IFT122: variants seen among roughly 807,000 people sequenced by gnomAD.
IFT122 encodes intraflagellar transport 122, also known as intraflagellar transport protein 122 homolog.
A neutral mutation model predicts 161.6 loss-of-function variants in IFT122; 118 were observed. The ratio of observed to expected loss-of-function variants is 0.73; its 90% confidence interval spans 0.63 to 0.85. IFT122 has a LOEUF of 0.85. IFT122 is among the 40% of genes least tolerant of loss of function. IFT122 has a pLI of 0.00. For missense variants in IFT122, 1,381 were observed against 1,579.6 expected (o/e 0.87, Z 2.13); for synonymous variants, 550 against 602.4 (o/e 0.91, Z 1.27).
intron 3 of IFT122, among the ~76,000 whole-genome samples, chr3:129,454,409 A>C (rs2075203138): frequency 6.6e-6 from 1 of 151,904 alleles, no homozygotes; most frequent in Non-Finnish European, 1.5e-5. Flanking sequence ...AAAAAAAAAA[A>C]AAGACAAGTC....
At chr3:129,506,264 A>G (rs998993340) in intron 21 of IFT122, 145 bp from the exon 22 acceptor site, 18 of 888,306 alleles carry the variant, frequency 2.0e-5, no homozygotes, top group Non-Finnish European at 2.8e-5. Context: ...GAGAAGCGCC[A>G]TCCCAGCAAC....
chr3:129,506,168 A>G (rs899438658), intron 21 of IFT122, among the ~76,000 whole-genome samples: 5 of 152,184 alleles, frequency 3.3e-5, no homozygotes, highest in Admixed American at 3.3e-4. Context: ...TCCTTTCTGC[A>G]TGCTTTTCAA....
At chr3:129,503,636 C>T (rs557227242) in intron 20 of IFT122, among the ~76,000 whole-genome samples, 20 of 152,224 alleles carry the variant, frequency 1.3e-4, no homozygotes, top group African/African-American at 3.1e-4. Context: ...TGAGAGGAGC[C>T]GTCTGACTGT....
chr3:129,461,415 T>A (rs2076204456), intron 5 of IFT122, 111 bp downstream of exon 5: 1 of 809,954 alleles, frequency 1.2e-6, no homozygotes, highest in African/African-American at 1.7e-5. Flanking sequence ...TAATACTACT[T>A]CTCTACCTTC....
At chr3:129,468,527 A>G (rs1294072549) in intron 8 of IFT122, among the ~76,000 whole-genome samples, 1 of 152,156 alleles carries the variant, frequency 6.6e-6, no homozygotes, top group African/African-American at 2.4e-5. Context: ...CATTTTCAGT[A>G]AAGATAGGGT....
chr3:129,490,961 T>G (rs2080011174), intron 16 of IFT122, among the ~76,000 whole-genome samples: 1 of 152,200 alleles, frequency 6.6e-6, no homozygotes, highest in African/African-American at 2.4e-5. Context: ...TCATCCGTGT[T>G]CTCCAGGCAT....
chr3:129,451,043 C>T (rs1441585996), intron 2 of IFT122, among the ~76,000 whole-genome samples: 1 of 151,896 alleles, frequency 6.6e-6, no homozygotes, highest in Non-Finnish European at 1.5e-5. Context: ...TTAAACTCTC[C>T]ACATAGTGAT....
rs1389723772 is a variant in IFT122 at position 129,476,475 on chromosome 3, C to T, written c.977C>T (p.Thr326Met). 6 of 1,614,060 alleles carry T rather than the reference C, an allele frequency of 3.7e-6. No individual in the cohort carries two copies. The highest frequency in any genetic ancestry group is 1.6e-4 in the Middle Eastern group (1 of 6,062). ...TVGEQNSWVW[T>M]CQAKPDSNYV... ...GGGGAGCAGAACTCCTGGGTGTGGA[C>T]GTGTCAAGCGAAACCGGATTCCAAC... The change falls in exon 10 of 30, where the codon ACG becomes ATG. Residue 326 changes from threonine (T) to methionine (M), a missense_variant. By Grantham distance (81) the Thr-to-Met change is moderately conservative. Transcript: ENST00000348417.
At position 129,502,871 on chromosome 3, in the gene IFT122, C is replaced by T. The variant is rs750010740; in HGVS notation, c.2536C>T (p.Arg846Cys). Residue 846 changes from arginine (R) to cysteine (C), a missense_variant, in exon 20 of 30, where the codon CGC (arginine) becomes TGC (cysteine). Coordinates refer to ENST00000348417, the MANE Select transcript of IFT122 (RefSeq NM_052989.3). ...GGTGCAGCTGCACGTGGAGACCCAG[C>T]GCTGGGATGAGGTGAGGGGAAAGCA... ...SLVQLHVETQ[R>C]WDEAFALGEK... is the part of the protein sequence containing the mutation. The T allele has an allele frequency of 9.3e-6, 15 of 1,610,344 alleles. No individual in the cohort carries two copies. The highest frequency in any genetic ancestry group is 6.7e-5 in the East Asian group (3 of 44,890).
chr3:129,485,090 G>T (rs2079116575), intron 15 of IFT122, among the ~76,000 whole-genome samples: 1 of 152,160 alleles, frequency 6.6e-6, no homozygotes, highest in South Asian at 2.1e-4. Context: ...TTCTTTACCA[G>T]TCCTACTGGA....
chr3:129,502,724 G>T lies in IFT122; in HGVS notation c.2389G>T (p.Ala797Ser). Reference protein sequence around the residue: ...HGWVDMLIDIARKLDKAEREP... With the variant: ...HGWVDMLIDISRKLDKAEREP... ...TTCCCTCTCCAGGTTGATCGACATCGCCCGCAAACTGGACAAGGCTGAGCG... is the reference window on the plus strand; with the variant it reads ...TTCCCTCTCCAGGTTGATCGACATCTCCCGCAAACTGGACAAGGCTGAGCG... The change falls in exon 20 of 30, where the codon GCC becomes TCC. Residue 797 changes from alanine to serine, a missense_variant. This residue lies in a region of IFT122 where 496 missense variants were observed against 502.5 expected (regional missense o/e 0.99). Transcript: ENST00000348417. 2 of 1,608,050 alleles carry T rather than the reference G, an allele frequency of 1.2e-6. No individual in the cohort carries two copies. Among genetic ancestry groups the T allele is most frequent in the Non-Finnish European group, 1.7e-6 (2 of 1,179,994 alleles).
At chr3:129,455,714 G>C (rs1173617915) in intron 3 of IFT122, among the ~76,000 whole-genome samples, 1 of 151,942 alleles carries the variant, frequency 6.6e-6, no homozygotes, top group Non-Finnish European at 1.5e-5. Context: ...CTGTTGACCA[G>C]AAGCCTTACC....
At chr3:129,470,420 C>A (rs1267456095) in intron 9 of IFT122, among the ~76,000 whole-genome samples, 4 of 151,216 alleles carry the variant, frequency 2.6e-5, no homozygotes, top group Admixed American at 6.6e-5. Flanking sequence ...CCCACCACCA[C>A]GCCTGGCTAA....
intron 1 of IFT122, among the ~76,000 whole-genome samples, chr3:129,444,371 T>A (rs72986983): frequency 0.042 from 6,393 of 152,192 alleles, 403 homozygotes; most frequent in African/African-American, 0.13. Flanking sequence ...ATCATCCTTG[T>A]TCCAGCTTCT....
intron 18 of IFT122, among the ~76,000 whole-genome samples, chr3:129,495,908 C>T (rs2080782917): frequency 3.3e-5 from 5 of 152,218 alleles, no homozygotes; most frequent in Admixed American, 3.3e-4. Flanking sequence ...GTTGAGGGCT[C>T]AGGGCTTCAG....
intron 9 of IFT122, 76 bp downstream of exon 9, chr3:129,469,493 T>C: frequency 1.8e-6 from 2 of 1,136,648 alleles, no homozygotes. Flanking sequence ...TTACTATTAA[T>C]TATACATTAT....
At chr3:129,494,080 G>T (rs2080512203) in intron 17 of IFT122, among the ~76,000 whole-genome samples, 1 of 152,300 alleles carries the variant, frequency 6.6e-6, no homozygotes, top group South Asian at 2.1e-4. Context: ...CTGACGGGGG[G>T]AAAGAACCTG....
chr3:129,449,964 A>G (rs1472875957), intron 2 of IFT122, 27 bp downstream of exon 2: 1 of 1,512,120 alleles, frequency 6.6e-7, no homozygotes, highest in Non-Finnish European at 9.2e-7. Context: ...GTTTCCTCTT[A>G]AAGTGCTTCC....
At chr3:129,451,853 C>A (rs1275457112) in intron 2 of IFT122, 61 bp from the exon 3 acceptor site, 1 of 1,367,394 alleles carries the variant, frequency 7.3e-7, no homozygotes, top group Non-Finnish European at 1.0e-6. Flanking sequence ...CAGTAGCAAC[C>A]CTGCAGGAAT....
Sources: gnomAD v4.1 joint callset for allele counts (sites outside exome capture counted in the v4.1 genomes callset) on GRCh38, gnomAD v4.1.1 for gene constraint, gnomAD v4.1.1 regional missense constraint, MANE v1.5 for transcripts, NCBI Gene and HGNC (gene_info 2026-07-23, HGNC 2026-07-21) for gene names.